The following COMMD10 variants were observed in gnomAD, a reference collection of about 807,000 sequenced individuals.
COMMD10 encodes the protein COMM domain-containing protein 10.
Under a neutral mutation model 28.9 loss-of-function variants are expected in COMMD10, and 33 were observed. The observed-to-expected ratio is 1.14, with a 90% CI of 0.87 to 1.53. The LOEUF (loss-of-function observed/expected upper bound fraction) is 1.53. Ranked by LOEUF, COMMD10 falls within the 40% of genes most tolerant of loss-of-function variation. The pLI, the probability that COMMD10 is intolerant of heterozygous loss-of-function variation, is 0.00. For synonymous variants in COMMD10, 110 were observed against 81.7 expected (o/e 1.35, Z -1.87); for missense variants, 310 against 233.4 (o/e 1.33, Z -2.14).
chr5:116,140,580 C>T (rs1302227477), intron 5 of COMMD10, among the ~76,000 whole-genome samples: 1 of 151,778 alleles, frequency 6.6e-6, no homozygotes, highest in Non-Finnish European at 1.5e-5. Flanking sequence ...TTCTCACCAG[C>T]GTTTGTTGTC....
chr5:116,239,893 G>C (rs1286159168), intron 5 of COMMD10, among the ~76,000 whole-genome samples: 1 of 152,108 alleles, frequency 6.6e-6, no homozygotes, highest in Non-Finnish European at 1.5e-5. Context: ...TTCTTCAACT[G>C]ATTGGCACTA....
intron 5 of COMMD10, among the ~76,000 whole-genome samples, chr5:116,158,132 C>T (rs1254081541): frequency 7.7e-6 from 1 of 129,536 alleles, no homozygotes; most frequent in Non-Finnish European, 1.6e-5. Context: ...CTCCCTCCCT[C>T]CCTTCCCCTC....
At chr5:116,238,760 T>G (rs1749741807) in intron 5 of COMMD10, among the ~76,000 whole-genome samples, 2 of 152,164 alleles carry the variant, frequency 1.3e-5, no homozygotes, top group South Asian at 4.1e-4. Context: ...CAGGGAATGA[T>G]TCCAGCAAAG....
intron 5 of COMMD10, among the ~76,000 whole-genome samples, chr5:116,245,877 C>CTGA: frequency 6.6e-6 from 1 of 152,102 alleles, no homozygotes; most frequent in Non-Finnish European, 1.5e-5. Context: ...CAGCCAACAT[C>CTGA]ATACTGAATG....
chr5:116,125,882 C>G (rs1354813111), intron 4 of COMMD10, among the ~76,000 whole-genome samples: 1 of 152,130 alleles, frequency 6.6e-6, no homozygotes, highest in African/African-American at 2.4e-5. Context: ...CAGGGATGCC[C>G]TCTCTCACCA....
At chr5:116,199,844 A>G (rs902071292) in intron 5 of COMMD10, among the ~76,000 whole-genome samples, 2 of 152,132 alleles carry the variant, frequency 1.3e-5, no homozygotes, top group Non-Finnish European at 2.9e-5. Flanking sequence ...CCTCCAGAGT[A>G]TCTGGGATTA....
At chr5:116,280,741 A>G (rs1436463708) in intron 5 of COMMD10, among the ~76,000 whole-genome samples, 1 of 151,876 alleles carries the variant, frequency 6.6e-6, no homozygotes, top group African/African-American at 2.4e-5. Flanking sequence ...TTGAACAATG[A>G]TGCTTAGTAA....
chr5:116,249,754 C>A (rs548700836), intron 5 of COMMD10, among the ~76,000 whole-genome samples: 22 of 151,968 alleles, frequency 1.4e-4, no homozygotes, highest in African/African-American at 5.3e-4. Context: ...TAATGTAGTA[C>A]AGATTTTAAG....
intron 5 of COMMD10, among the ~76,000 whole-genome samples, chr5:116,208,431 C>T (rs937311335): frequency 6.6e-6 from 1 of 152,088 alleles, no homozygotes; most frequent in African/African-American, 2.4e-5. Context: ...GACACGACTC[C>T]TTGGTATGCA....
chr5:116,280,078 T>C (rs1751032701), intron 5 of COMMD10, among the ~76,000 whole-genome samples: 1 of 151,896 alleles, frequency 6.6e-6, no homozygotes, highest in Non-Finnish European at 1.5e-5. Flanking sequence ...ATGTATTTTA[T>C]GAGTTATTTC....
At chr5:116,223,896 G>A (rs561468055) in intron 5 of COMMD10, among the ~76,000 whole-genome samples, 18 of 152,248 alleles carry the variant, frequency 1.2e-4, no homozygotes, top group African/African-American at 4.3e-4. Context: ...GGTATTCTTT[G>A]CTGAACTGCT....
At chr5:116,204,003 G>T (rs971026794) in intron 5 of COMMD10, among the ~76,000 whole-genome samples, 1 of 152,060 alleles carries the variant, frequency 6.6e-6, no homozygotes, top group Non-Finnish European at 1.5e-5. Context: ...CCCATCTCAC[G>T]TGCAGAGACA....
chr5:116,132,035 G>C (rs1432972950), intron 4 of COMMD10, among the ~76,000 whole-genome samples: 1 of 151,996 alleles, frequency 6.6e-6, no homozygotes, highest in Non-Finnish European at 1.5e-5. Context: ...AGCTATTGGA[G>C]AATTTTAAGA....
At chr5:116,189,837 T>G (rs1357359793) in intron 5 of COMMD10, among the ~76,000 whole-genome samples, 1 of 152,218 alleles carries the variant, frequency 6.6e-6, no homozygotes, top group Non-Finnish European at 1.5e-5. Context: ...GAAAACCACT[T>G]AAAGCATATT....
chr5:116,126,579 A>T (rs1462508102), intron 4 of COMMD10, among the ~76,000 whole-genome samples: 1 of 151,662 alleles, frequency 6.6e-6, no homozygotes. Flanking sequence ...AAACAGAGAT[A>T]TAGACCAATG....
intron 4 of COMMD10, among the ~76,000 whole-genome samples, chr5:116,123,352 T>G (rs1020016057): frequency 6.6e-6 from 1 of 152,190 alleles, no homozygotes; most frequent in Non-Finnish European, 1.5e-5. Flanking sequence ...GTTGTTTCTA[T>G]TTATGTGATG....
chr5:116,100,185 T>A (rs564100984), intron 4 of COMMD10, among the ~76,000 whole-genome samples: 1 of 152,272 alleles, frequency 6.6e-6, no homozygotes, highest in East Asian at 1.9e-4. Flanking sequence ...TGGAGTATTT[T>A]AGATTTTGGA....
intron 5 of COMMD10, among the ~76,000 whole-genome samples, chr5:116,286,213 T>G (rs530643300): frequency 3.5e-4 from 53 of 151,834 alleles, no homozygotes; most frequent in African/African-American, 1.3e-3. Flanking sequence ...ATGTCCTCTC[T>G]TTCATTTTTA....
At chr5:116,226,947 C>T (rs920438363) in intron 5 of COMMD10, among the ~76,000 whole-genome samples, 1 of 152,044 alleles carries the variant, frequency 6.6e-6, no homozygotes, top group Non-Finnish European at 1.5e-5. Flanking sequence ...TCCCATTTCA[C>T]TCTCATTTCA....
Sources: allele counts gnomAD v4.1 joint callset (sites outside exome capture counted in the v4.1 genomes callset), GRCh38; gene constraint gnomAD v4.1.1; transcripts MANE v1.5; gene names NCBI Gene and HGNC (gene_info 2026-07-23, HGNC 2026-07-21).